DPP6: variants seen among roughly 807,000 people sequenced by gnomAD.
DPP6 encodes the protein A-type potassium channel modulatory protein DPP6.
A neutral mutation model predicts 122.6 loss-of-function variants in DPP6; 69 were observed. The ratio of observed to expected loss-of-function variants is 0.56; its 90% confidence interval spans 0.46 to 0.69. The LOEUF is 0.69. Ranked by LOEUF, DPP6 falls within the 30% of genes least tolerant of loss-of-function variation. The pLI is 0.00. For synonymous variants in DPP6, 418 were observed against 433.1 expected (o/e 0.97, Z 0.43); for missense variants, 928 against 1,116.9 (o/e 0.83, Z 2.41).
chr7:154,636,336 T>A (rs372204400), intron 5 of DPP6, among the ~76,000 whole-genome samples: 2 of 152,296 alleles, frequency 1.3e-5, no homozygotes, highest in South Asian at 4.1e-4. Flanking sequence ...TAATGGGTCC[T>A]CTCTGAGCGG....
intron 8 of DPP6, among the ~76,000 whole-genome samples, chr7:154,765,070 A>G (rs981640602): frequency 2.0e-5 from 3 of 152,024 alleles, no homozygotes; most frequent in African/African-American, 2.4e-5. Context: ...CAAACAAACC[A>G]CTTCCAAACC....
intron 3 of DPP6, among the ~76,000 whole-genome samples, chr7:154,485,636 T>A (rs1457989219): frequency 3.3e-5 from 5 of 152,190 alleles, no homozygotes; most frequent in Non-Finnish European, 7.3e-5. Context: ...CTATTGGAGT[T>A]TTCTATAGGA....
chr7:154,035,850 A>T (rs1223480828), intron 1 of DPP6, among the ~76,000 whole-genome samples: 1 of 152,156 alleles, frequency 6.6e-6, no homozygotes, highest in Non-Finnish European at 1.5e-5. Context: ...AGCTCTATTG[A>T]TGAAAATAGG....
At chr7:153,795,154 C>T in the DPP6 span, among the ~76,000 whole-genome samples, 3 of 152,322 alleles carry the variant, frequency 2.0e-5, no homozygotes, top group Non-Finnish European at 2.9e-5. Context: ...CAGTGGCTTA[C>T]GCCTGTAATC....
intron 16 of DPP6, among the ~76,000 whole-genome samples, chr7:154,822,672 G>T (rs571046118): frequency 2.6e-5 from 4 of 151,852 alleles, no homozygotes; most frequent in African/African-American, 9.7e-5. Flanking sequence ...TCAGCCCCCC[G>T]CCCCCAACGA....
At chr7:154,413,348 T>C (rs1476252349) in intron 1 of DPP6, among the ~76,000 whole-genome samples, 2 of 152,262 alleles carry the variant, frequency 1.3e-5, no homozygotes, top group Non-Finnish European at 2.9e-5. Flanking sequence ...GCTGTTTCTA[T>C]GGATCTTTGC....
chr7:154,850,991 T>C (rs1285788126), intron 16 of DPP6, among the ~76,000 whole-genome samples: 1 of 152,262 alleles, frequency 6.6e-6, no homozygotes, highest in African/African-American at 2.4e-5. Context: ...TTTTTGTCTA[T>C]GTTTAAAATA....
At chr7:154,195,573 AG>A in intron 1 of DPP6, among the ~76,000 whole-genome samples, 1 of 152,174 alleles carries the variant, frequency 6.6e-6, no homozygotes, top group Non-Finnish European at 1.5e-5. Context: ...GACTCCAGGA[AG>A]TCTATGGGGA....
chr7:154,380,778 A>G (rs1813528382), intron 1 of DPP6, among the ~76,000 whole-genome samples: 1 of 152,068 alleles, frequency 6.6e-6, no homozygotes, highest in Non-Finnish European at 1.5e-5. Context: ...GAAGTGGGAG[A>G]CTGGTTGCTA....
At chr7:154,637,560 C>T (rs561124352) in intron 5 of DPP6, among the ~76,000 whole-genome samples, 45 of 152,270 alleles carry the variant, frequency 3.0e-4, no homozygotes, top group African/African-American at 1.1e-3. Flanking sequence ...AAATCTGTGC[C>T]CCTAATTTAA....
At chr7:154,537,779 G>C (rs145664947) in intron 3 of DPP6, among the ~76,000 whole-genome samples, 1 of 151,566 alleles carries the variant, frequency 6.6e-6, no homozygotes, top group African/African-American at 2.4e-5. Flanking sequence ...GGAGAGGAGA[G>C]GAGAGGAGAG....
the DPP6 span, among the ~76,000 whole-genome samples, chr7:153,794,381 C>G: frequency 1.3e-5 from 2 of 152,324 alleles, no homozygotes; most frequent in East Asian, 3.9e-4. Flanking sequence ...TAAAATTTGA[C>G]TGCCCTGCTG....
intron 1 of DPP6, among the ~76,000 whole-genome samples, chr7:154,340,179 G>T (rs1307115650): frequency 1.3e-5 from 2 of 152,154 alleles, no homozygotes; most frequent in Non-Finnish European, 2.9e-5. Flanking sequence ...TCAAATATTT[G>T]GCAGTTATAA....
intron 1 of DPP6, chr7:154,057,928 C>G (rs1204802072): frequency 6.6e-6 from 1 of 151,026 alleles, no homozygotes; most frequent in African/African-American, 2.5e-5. Flanking sequence ...GAATGGCCCC[C>G]CTATTTGAGG....
At chr7:154,088,930 T>C (rs2533649) in intron 1 of DPP6, among the ~76,000 whole-genome samples, 1 of 152,202 alleles carries the variant, frequency 6.6e-6, no homozygotes, top group Non-Finnish European at 1.5e-5. Flanking sequence ...GAGCCACATG[T>C]GGCTCCGGCT....
the DPP6 span, among the ~76,000 whole-genome samples, chr7:153,838,248 G>A: frequency 6.6e-6 from 1 of 152,238 alleles, no homozygotes; most frequent in East Asian, 1.9e-4. Context: ...GTTGACTGTT[G>A]AGTCAAGGTT....
chr7:154,813,182 G>A (rs1040123001), intron 16 of DPP6, among the ~76,000 whole-genome samples: 1 of 151,516 alleles, frequency 6.6e-6, no homozygotes, highest in Non-Finnish European at 1.5e-5. Context: ...CTGGTTTCAC[G>A]CCATTCTCCT....
chr7:154,678,823 T>A (rs1839099733), intron 7 of DPP6, among the ~76,000 whole-genome samples: 1 of 152,236 alleles, frequency 6.6e-6, no homozygotes, highest in African/African-American at 2.4e-5. Context: ...AGAGACTTAA[T>A]CCCTGAGCTT....
At chr7:154,239,837 A>C (rs1011822628) in intron 1 of DPP6, among the ~76,000 whole-genome samples, 1 of 151,064 alleles carries the variant, frequency 6.6e-6, no homozygotes, top group Non-Finnish European at 1.5e-5. Flanking sequence ...AAAAAAAAGA[A>C]AAAGAAAAGC....
Sources: allele counts gnomAD v4.1 joint callset (sites outside exome capture counted in the v4.1 genomes callset), GRCh38; gene constraint gnomAD v4.1.1; transcripts MANE v1.5; gene names NCBI Gene and HGNC (gene_info 2026-07-23, HGNC 2026-07-21).